CATSPERB: variants seen among roughly 807,000 people sequenced by gnomAD.
CATSPERB encodes cation channel sperm-associated auxiliary subunit beta.
A neutral mutation model predicts 128.3 loss-of-function variants in CATSPERB; 93 were observed. The observed-to-expected ratio is 0.72, with a 90% confidence interval of 0.61 to 0.86. CATSPERB has a LOEUF of 0.86. Among genes scored for constraint, CATSPERB ranks in the 40% least tolerant of loss-of-function variants. CATSPERB has a pLI of 0.00. For synonymous variants in CATSPERB, 381 were observed against 448.8 expected, an observed-to-expected ratio of 0.85 and a Z score of 1.91; for missense variants, 1,153 against 1,329.5, an observed-to-expected ratio of 0.87 and a Z score of 2.06.
Position 91,723,138 on chromosome 14 carries a change from G to T in CATSPERB, c.220C>A (p.Leu74Ile). Residue 74 changes from leucine (L) to isoleucine (I), a missense_variant, in exon 4 of 27, where the codon CTA becomes ATA. Transcript: ENST00000256343. Reference sequence around the variant, plus strand: ...AGTCCTCCTGATGTGAACACACTTAGCATTGCTTTTGATGCAATTTCATTT... The same window carrying T: ...AGTCCTCCTGATGTGAACACACTTATCATTGCTTTTGATGCAATTTCATTT... Reference protein sequence around the residue: ...TENEIASKAMLSVFTSGGLAP... With the variant: ...TENEIASKAMISVFTSGGLAP... 6.5e-7 allele frequency: 1 copy of T among 1,537,734 alleles called. No homozygotes were observed. Among genetic ancestry groups the T allele is most frequent in the Admixed American group, 1.9e-5 (1 of 51,630 alleles).
chr14:91,596,720 G>C lies in CATSPERB; in HGVS notation c.2710-4718C>G, dbSNP rs1472460766. ...ATTACAGGAGTTTCCTATACATTTG[G>C]AACAAAGTTAGCTATGTATACAAAT... On this transcript the variant is annotated intron_variant, in intron 22 of 26. Transcript: ENST00000256343. Among the ~76,000 whole-genome samples, 3 of 151,914 alleles carry C rather than the reference G, an allele frequency of 2.0e-5. No homozygotes were observed. In the East Asian group the frequency reaches 5.8e-4, roughly 29 times the overall value.
chr14:91,625,998 G>A (rs1216883986), intron 17 of CATSPERB, among the ~76,000 whole-genome samples: 1 of 152,100 alleles, frequency 6.6e-6, no homozygotes, highest in Non-Finnish European at 1.5e-5. Flanking sequence ...GGTGGCACAT[G>A]CCTGTAATCC....
At chr14:91,731,063 C>T (rs1029383052) in intron 1 of CATSPERB, among the ~76,000 whole-genome samples, 1 of 152,138 alleles carries the variant, frequency 6.6e-6, no homozygotes, top group African/African-American at 2.4e-5. Context: ...TGAAAATAGT[C>T]CCTTTACCAG....
intron 10 of CATSPERB, 71 bp downstream of exon 10, chr14:91,691,452 T>C: frequency 1.0e-6 from 1 of 981,534 alleles, no homozygotes; most frequent in Non-Finnish European, 1.5e-6. Flanking sequence ...ATTATTGTCT[T>C]GCATCTCATC....
chr14:91,604,798 G>A, intron 22 of CATSPERB: 1 of 1,607,732 alleles, frequency 6.2e-7, no homozygotes, highest in South Asian at 1.1e-5. Flanking sequence ...AGAGGCTGGG[G>A]TAGGTAGGTG....
At chr14:91,708,109 A>G (rs764294632) in intron 6 of CATSPERB, 32 bp downstream of exon 6, 9 of 1,458,542 alleles carry the variant, frequency 6.2e-6, no homozygotes, top group Non-Finnish European at 7.7e-6. Flanking sequence ...GAATATATGA[A>G]TTCCATTTTA....
chr14:91,585,973 G>T (rs1173776238), intron 26 of CATSPERB, among the ~76,000 whole-genome samples: 1 of 152,158 alleles, frequency 6.6e-6, no homozygotes, highest in Non-Finnish European at 1.5e-5. Context: ...CTTCTGTGTG[G>T]GTGGTGGTTT....
chr14:91,674,111 C>A, intron 12 of CATSPERB, 65 bp downstream of exon 12: 1 of 896,740 alleles, frequency 1.1e-6, no homozygotes, highest in South Asian at 1.5e-5. Flanking sequence ...TAGATTAATC[C>A]CAATCCATGA....
intron 7 of CATSPERB, among the ~76,000 whole-genome samples, chr14:91,703,807 C>T (rs747749052): frequency 4.6e-5 from 7 of 152,114 alleles, no homozygotes; most frequent in Admixed American, 1.3e-4. Flanking sequence ...CCTAAATAAA[C>T]GTTCCCCTGA....
chr14:91,663,569 C>T (rs1184994924), intron 14 of CATSPERB, among the ~76,000 whole-genome samples: 11 of 147,268 alleles, frequency 7.5e-5, no homozygotes, highest in South Asian at 6.4e-4. Flanking sequence ...GGCGTGAACC[C>T]GGGAGGCGGA....
At chr14:91,661,548 T>TATATATA (rs1566722229) in intron 14 of CATSPERB, among the ~76,000 whole-genome samples, 9 of 146,862 alleles carry the variant, frequency 6.1e-5, no homozygotes, top group South Asian at 2.1e-4. Flanking sequence ...TATATATATA[T>TATATATA]TTAAGACAGG....
intron 23 of CATSPERB, among the ~76,000 whole-genome samples, chr14:91,590,645 T>G (rs557740554): frequency 1.1e-3 from 120 of 105,850 alleles, no homozygotes; most frequent in African/African-American, 3.8e-3. Flanking sequence ...TGTCTTTTTT[T>G]GTTTGTTTGT....
rs781349604 is a variant in CATSPERB, at chr14:91,587,990, G to A, written c.3045C>T (p.Asn1015=). The change falls in exon 25 of 27, where the codon AAC becomes AAT. Residue 1015 remains asparagine (N), a synonymous_variant. Transcript: ENST00000256343. Reference sequence around the variant, plus strand: ...ATGCCATCATTACCTTTATGCTTAAGTTGAGACCTGAAGGATTATACACTG... The same window carrying A: ...ATGCCATCATTACCTTTATGCTTAAATTGAGACCTGAAGGATTATACACTG... ...GAAVYNPSGL[N]LSIKGSELFH... is the part of the protein sequence containing the mutation. The A allele has an allele frequency of 6.2e-7, 1 of 1,604,186 alleles. No homozygotes were observed. The highest frequency in any genetic ancestry group is 8.5e-7 in the Non-Finnish European group (1 of 1,171,940).
chr14:91,647,697 A>G (rs1465313629), intron 15 of CATSPERB, among the ~76,000 whole-genome samples: 1 of 152,046 alleles, frequency 6.6e-6, no homozygotes, highest in African/African-American at 2.4e-5. Context: ...ATTCACTATC[A>G]CCAGAACAGC....
At position 91,730,972 on chromosome 14, in the gene CATSPERB, C is replaced by T. The variant is rs139054255; in HGVS notation, c.-1+958G>A. 3.6e-3 allele frequency among the ~76,000 whole-genome samples: 551 copies of T among 152,182 alleles called. 1 individual carries two copies. The highest frequency in any genetic ancestry group is 5.9e-3 in the Non-Finnish European group (398 of 68,010). ...AACAAATGGTAGATTAAAATTCTGT[C>T]GGCATGGTGCAATGCTCAAGTATAT... is the stretch of plus-strand genomic sequence containing the variant. On this transcript the variant is annotated intron_variant, in intron 1 of 26. Coordinates refer to ENST00000256343, the MANE Select transcript of CATSPERB (RefSeq NM_024764.4).
chr14:91,599,973 AT>A (rs1298614660), intron 22 of CATSPERB, among the ~76,000 whole-genome samples: 1 of 152,174 alleles, frequency 6.6e-6, no homozygotes, highest in East Asian at 1.9e-4. Context: ...GGCCCAAGAT[AT>A]TTTCCTTTGA....
At chr14:91,729,122 G>A (rs919250826) in intron 2 of CATSPERB, among the ~76,000 whole-genome samples, 1 of 152,130 alleles carries the variant, frequency 6.6e-6, no homozygotes, top group African/African-American at 2.4e-5. Context: ...GGTGAATCAC[G>A]AGGTCAGGAG....
At chr14:91,660,188 C>T (rs760158520) in intron 14 of CATSPERB, among the ~76,000 whole-genome samples, 4 of 151,862 alleles carry the variant, frequency 2.6e-5, no homozygotes, top group Non-Finnish European at 4.4e-5. Context: ...CTTCTATTTC[C>T]ATCCTAGAGT....
At chr14:91,724,132 G>C (rs1896080988) in intron 3 of CATSPERB, among the ~76,000 whole-genome samples, 1 of 151,988 alleles carries the variant, frequency 6.6e-6, no homozygotes, top group Non-Finnish European at 1.5e-5. Context: ...ATAAACGTTA[G>C]CTATCACTTC....
Sources: gnomAD v4.1 joint callset for allele counts (sites outside exome capture counted in the v4.1 genomes callset) on GRCh38, gnomAD v4.1.1 for gene constraint, MANE v1.5 for transcripts, NCBI Gene and HGNC (gene_info 2026-07-23, HGNC 2026-07-21) for gene names.